Variants in SEM1 observed in about 807,000 individuals in gnomAD.
The protein encoded by SEM1 is 26S proteasome complex subunit SEM1.
A neutral mutation model predicts 12.7 loss-of-function variants in SEM1; 3 were observed. The ratio of observed to expected loss-of-function variants is 0.24; its 90% CI spans 0.11 to 0.61. The LOEUF is 0.61. SEM1 is among the 20% of genes least tolerant of loss of function. SEM1 has a pLI of 0.88. For missense variants in SEM1, 59 were observed against 81.3 expected (o/e 0.73, Z 1.06); for synonymous variants, 30 against 27.8 (o/e 1.08, Z -0.25).
chr7:96,568,822 G>A (rs566439582), intron 2 of SEM1, among the ~76,000 whole-genome samples: 11 of 151,850 alleles, frequency 7.2e-5, no homozygotes, highest in East Asian at 5.8e-4. Context: ...AGTGCATTAC[G>A]ATTTTTATCT....
At chr7:96,633,982 T>C (rs967572344) in intron 2 of SEM1, among the ~76,000 whole-genome samples, 17 of 152,242 alleles carry the variant, frequency 1.1e-4, no homozygotes, top group African/African-American at 3.8e-4. Context: ...TTTTCCTATA[T>C]ATCAGGAGGT....
intron 2 of SEM1, among the ~76,000 whole-genome samples, chr7:96,627,124 C>T (rs1303962273): frequency 6.6e-6 from 1 of 152,004 alleles, no homozygotes; most frequent in Non-Finnish European, 1.5e-5. Context: ...TCCTCTTCAT[C>T]TGCAATTTTA....
rs571153500 is a variant in SEM1 at position 96,678,145 on chromosome 7, A to C, written c.171-4286T>G. 1.9e-3 allele frequency among the ~76,000 whole-genome samples: 292 copies of C among 152,272 alleles called. 1 individual carries two copies. Among genetic ancestry groups the C allele is most frequent in the South Asian group, 9.9e-3 (48 of 4,830 alleles). On this transcript the variant is annotated intron_variant, in intron 2 of 2. Transcript: ENST00000413065. ...ATCTAGCAAATATTCCATATTCAAA[A>C]TTGGTGAAATAGAACCTCTAAAAGA...
chr7:96,606,295 GTAAACTAGATTTA>G (rs1807377934), intron 2 of SEM1, among the ~76,000 whole-genome samples: 1 of 152,200 alleles, frequency 6.6e-6, no homozygotes, highest in Non-Finnish European at 1.5e-5. Context: ...CCAACTTTAA[GTAAACTAGATTTA>G]TACGGAGAAC....
At chr7:96,646,192 A>G (rs1011030420) in intron 2 of SEM1, among the ~76,000 whole-genome samples, 1 of 152,122 alleles carries the variant, frequency 6.6e-6, no homozygotes, top group Non-Finnish European at 1.5e-5. Context: ...TTTTATTAGA[A>G]CATAACCCAG....
intron 2 of SEM1, among the ~76,000 whole-genome samples, chr7:96,666,661 A>G (rs1190891515): frequency 6.7e-6 from 1 of 148,498 alleles, no homozygotes; most frequent in African/African-American, 2.5e-5. Context: ...TTTTGCCTCA[A>G]CCATAAAGAT....
At chr7:96,681,686 G>A (rs1208646997) in intron 2 of SEM1, among the ~76,000 whole-genome samples, 2 of 152,154 alleles carry the variant, frequency 1.3e-5, no homozygotes, top group Non-Finnish European at 2.9e-5. Flanking sequence ...TCAAAGATCA[G>A]ATGGTTGTAG....
Position 96,546,843 on chromosome 7 carries a change from C to T in SEM1, c.171-40145G>A, listed in dbSNP as rs559601939. Among the ~76,000 whole-genome samples the T allele has an allele frequency of 7.9e-5, 12 of 152,164 alleles. No individual in the cohort carries two copies. The South Asian group carries it at 1.7e-3, about 21-fold the overall frequency. ...AACTGTCATGCTTCAGCCTAAAGCA[C>T]ATTTTCTCAGTGGTCATTATTCTAT... is the stretch of plus-strand genomic sequence containing the variant. On this transcript the variant is annotated intron_variant and NMD_transcript_variant, in intron 2 of 3. Transcript: ENST00000466986.
intron 2 of SEM1, among the ~76,000 whole-genome samples, chr7:96,597,694 T>C (rs200914570): frequency 0.013 from 1,178 of 92,816 alleles, 14 homozygotes; most frequent in African/African-American, 0.036. Flanking sequence ...TATATATATA[T>C]ACACACACAC....
intron 2 of SEM1, among the ~76,000 whole-genome samples, chr7:96,611,998 A>G (rs1242575571): frequency 7.2e-6 from 1 of 139,828 alleles, no homozygotes; most frequent in Non-Finnish European, 1.5e-5. Flanking sequence ...ACCCCCCCAA[A>G]TAAAAAAAGC....
At chr7:96,532,191 A>T (rs182212068) in intron 2 of SEM1, among the ~76,000 whole-genome samples, 2 of 152,214 alleles carry the variant, frequency 1.3e-5, no homozygotes, top group South Asian at 2.1e-4. Context: ...AACATGTTTT[A>T]AAAAAATCAT....
At chr7:96,627,167 T>A (rs1029850904) in intron 2 of SEM1, among the ~76,000 whole-genome samples, 1 of 152,074 alleles carries the variant, frequency 6.6e-6, no homozygotes, top group African/African-American at 2.4e-5. Flanking sequence ...TCTCAGTTAT[T>A]TTGGCAGAAG....
intron 2 of SEM1, among the ~76,000 whole-genome samples, chr7:96,524,818 T>C (rs1443196736): frequency 6.6e-6 from 1 of 152,154 alleles, no homozygotes; most frequent in Non-Finnish European, 1.5e-5. Context: ...TTATTTGATC[T>C]GTATTTAAAT....
chr7:96,498,488 A>T (rs1803383614), upstream of SEM1, among the ~76,000 whole-genome samples: 1 of 152,124 alleles, frequency 6.6e-6, no homozygotes, highest in Non-Finnish European at 1.5e-5. Context: ...GAATGATTGA[A>T]CTTATTTCTA....
At chr7:96,540,141 AT>A (rs1804901694) in intron 2 of SEM1, among the ~76,000 whole-genome samples, 2 of 151,712 alleles carry the variant, frequency 1.3e-5, no homozygotes, top group Middle Eastern at 3.4e-3. Flanking sequence ...CAGAGAATCA[AT>A]TGGCAGATCA....
intron 2 of SEM1, among the ~76,000 whole-genome samples, chr7:96,549,967 G>A (rs1425406757): frequency 6.6e-6 from 1 of 152,070 alleles, no homozygotes; most frequent in Non-Finnish European, 1.5e-5. Flanking sequence ...CTTTTGCCAT[G>A]AAGTTACTGT....
intron 2 of SEM1, among the ~76,000 whole-genome samples, chr7:96,579,960 T>TC (rs1806332932): frequency 6.7e-6 from 1 of 149,278 alleles, no homozygotes; most frequent in South Asian, 2.2e-4. Flanking sequence ...TTTCAATTTT[T>TC]TTAATTTATT....
chr7:96,622,769 A>C (rs916496323), intron 2 of SEM1: 1 of 637,050 alleles, frequency 1.6e-6, no homozygotes, highest in South Asian at 1.8e-5. Context: ...CCACTGTGCT[A>C]GTCATGTAAT....
chr7:96,618,030 A>G (rs1040577422), downstream of SEM1, among the ~76,000 whole-genome samples: 2 of 152,138 alleles, frequency 1.3e-5, no homozygotes, highest in African/African-American at 2.4e-5. Flanking sequence ...TCAGGGTGAC[A>G]TTGGCCTCAC....
Sources: gnomAD v4.1 joint callset for allele counts (sites outside exome capture counted in the v4.1 genomes callset) on GRCh38, gnomAD v4.1.1 for gene constraint, MANE v1.5 for transcripts, NCBI Gene and HGNC (gene_info 2026-07-23, HGNC 2026-07-21) for gene names.